The following IL7 variants were observed in gnomAD, a reference collection of about 807,000 sequenced individuals.
The protein encoded by IL7 is interleukin-7.
In IL7, 3 loss-of-function variants were observed where a neutral mutation model predicts 21.6. That is an observed-to-expected ratio of 0.14 (90% CI 0.06 to 0.36). The LOEUF (loss-of-function observed/expected upper bound fraction) is 0.36. IL7 is among the 10% of genes least tolerant of loss of function. The pLI is 1.00. For missense variants in IL7, 175 were observed against 200.2 expected (o/e 0.87, Z 0.76); for synonymous variants, 62 against 68.1 (o/e 0.91, Z 0.44).
intron 3 of IL7, among the ~76,000 whole-genome samples, chr8:78,692,881 C>T (rs960503808): frequency 1.1e-4 from 17 of 152,064 alleles, no homozygotes; most frequent in African/African-American, 3.9e-4. Flanking sequence ...TCCCTCCCCA[C>T]TCCCCCCACC....
chr8:78,722,031 A>G (rs762905382), intron 3 of IL7, among the ~76,000 whole-genome samples: 1 of 151,988 alleles, frequency 6.6e-6, no homozygotes, highest in Non-Finnish European at 1.5e-5. Context: ...AAAAAAGTGC[A>G]AAGACAAAAG....
At chr8:78,702,961 A>C (rs1300125920) in intron 3 of IL7, among the ~76,000 whole-genome samples, 1 of 152,006 alleles carries the variant, frequency 6.6e-6, no homozygotes. Flanking sequence ...CTGTGGCATG[A>C]TCTTGGCTCG....
chr8:78,804,383 C>A (rs1814219533), intron 1 of IL7, among the ~76,000 whole-genome samples: 1 of 152,194 alleles, frequency 6.6e-6, no homozygotes, highest in Non-Finnish European at 1.5e-5. Flanking sequence ...GCCGGAAACT[C>A]CCAGTCTTAC....
chr8:78,772,825 G>C (rs935037920), intron 2 of IL7, among the ~76,000 whole-genome samples: 1 of 152,066 alleles, frequency 6.6e-6, no homozygotes, highest in African/African-American at 2.4e-5. Context: ...AGTGAGTGTC[G>C]ATGGTCATAG....
intron 3 of IL7, chr8:78,689,213 C>A: frequency 1.4e-6 from 2 of 1,461,002 alleles, no homozygotes; most frequent in Non-Finnish European, 1.8e-6. Flanking sequence ...CCGTTTTTAT[C>A]TGTTATAGAT....
At chr8:78,767,722 C>A (rs908272655) in intron 2 of IL7, among the ~76,000 whole-genome samples, 2 of 151,926 alleles carry the variant, frequency 1.3e-5, no homozygotes, top group African/African-American at 2.4e-5. Context: ...ATCACCATTT[C>A]TCTATTATTG....
intron 2 of IL7, chr8:78,747,187 G>GTT: frequency 4.4e-5 from 11 of 249,350 alleles, no homozygotes; most frequent in East Asian, 1.2e-4. Context: ...ATACTTCATT[G>GTT]CTTTTTTTTT....
intron 2 of IL7, among the ~76,000 whole-genome samples, chr8:78,754,564 AAG>A (rs1812285633): frequency 6.6e-6 from 1 of 152,202 alleles, no homozygotes; most frequent in Non-Finnish European, 1.5e-5. Context: ...AGAACCAAAA[AAG>A]AGCCCGTATA....
chr8:78,753,765 A>G (rs1452290319), intron 2 of IL7, among the ~76,000 whole-genome samples: 2 of 152,168 alleles, frequency 1.3e-5, no homozygotes, highest in Non-Finnish European at 2.9e-5. Flanking sequence ...GGCATAAGGA[A>G]GGGGTCCAGT....
chr8:78,790,294 G>T (rs1164580605), intron 2 of IL7, among the ~76,000 whole-genome samples: 1 of 152,022 alleles, frequency 6.6e-6, no homozygotes. Flanking sequence ...TCAACCATGT[G>T]AGTTATATTT....
intron 3 of IL7, among the ~76,000 whole-genome samples, chr8:78,739,112 T>G (rs534614472): frequency 1.3e-5 from 2 of 152,152 alleles, no homozygotes; most frequent in Non-Finnish European, 2.9e-5. Flanking sequence ...GATATTTAAA[T>G]TAAGAAATTT....
chr8:78,744,821 G>C (rs1339242077), intron 2 of IL7, among the ~76,000 whole-genome samples: 1 of 152,196 alleles, frequency 6.6e-6, no homozygotes, highest in Non-Finnish European at 1.5e-5. Flanking sequence ...TTCAAGAGGG[G>C]ATCTCCCAAC....
intron 4 of IL7, among the ~76,000 whole-genome samples, chr8:78,683,469 A>C (rs956888858): frequency 3.9e-5 from 6 of 152,182 alleles, no homozygotes; most frequent in Non-Finnish European, 5.9e-5. Context: ...GCCATGGCTC[A>C]ACTTGTACCT....
At chr8:78,747,547 G>C (rs941891984) in intron 2 of IL7, among the ~76,000 whole-genome samples, 5 of 152,066 alleles carry the variant, frequency 3.3e-5, no homozygotes, top group African/African-American at 1.2e-4. Flanking sequence ...AATCTACTCT[G>C]TATGAAATTT....
intron 2 of IL7, among the ~76,000 whole-genome samples, chr8:78,746,007 C>T (rs1340455239): frequency 3.3e-5 from 5 of 152,034 alleles, no homozygotes; most frequent in Admixed American, 2.6e-4. Flanking sequence ...GCATTTAGGG[C>T]CCACCAAGAT....
intron 2 of IL7, among the ~76,000 whole-genome samples, chr8:78,742,704 T>G (rs988455222): frequency 6.6e-6 from 1 of 152,166 alleles, no homozygotes; most frequent in Non-Finnish European, 1.5e-5. Flanking sequence ...CTTTTCATGT[T>G]TTTAGTGTCT....
At chr8:78,705,376 T>G (rs1053847897) in intron 3 of IL7, among the ~76,000 whole-genome samples, 31 of 152,192 alleles carry the variant, frequency 2.0e-4, no homozygotes, top group African/African-American at 7.5e-4. Context: ...ACTAGTCACC[T>G]TGGATTTTTC....
intron 3 of IL7, among the ~76,000 whole-genome samples, chr8:78,700,095 A>G (rs1365819517): frequency 6.6e-6 from 1 of 152,138 alleles, no homozygotes. Flanking sequence ...ATGTATAAGC[A>G]TTCCTTTTTT....
intron 4 of IL7, among the ~76,000 whole-genome samples, chr8:78,680,250 G>A (rs375384486): frequency 3.8e-5 from 5 of 130,202 alleles, no homozygotes; most frequent in African/African-American, 1.5e-4. Flanking sequence ...AGTACAGTCC[G>A]CAGTCCGGCC....
Sources: allele counts gnomAD v4.1 joint callset (sites outside exome capture counted in the v4.1 genomes callset), GRCh38; gene constraint gnomAD v4.1.1; transcripts MANE v1.5; gene names NCBI Gene and HGNC (gene_info 2026-07-23, HGNC 2026-07-21).